SSBP2: variants seen among roughly 807,000 people sequenced by gnomAD.
SSBP2 encodes single-stranded DNA-binding protein 2.
A neutral mutation model predicts 61.8 loss-of-function variants in SSBP2; 17 were observed. That is an observed-to-expected ratio of 0.28 (90% confidence interval 0.19 to 0.41). The LOEUF (loss-of-function observed/expected upper bound fraction) is 0.41. SSBP2 is among the 10% of genes least tolerant of loss of function. SSBP2 has a pLI of 1.00. For missense variants in SSBP2, 310 were observed against 458.7 expected (o/e 0.68, Z 2.96); for synonymous variants, 139 against 141.3 (o/e 0.98, Z 0.12).
At chr5:81,727,503 C>A (rs1182882152) in intron 1 of SSBP2, among the ~76,000 whole-genome samples, 1 of 151,946 alleles carries the variant, frequency 6.6e-6, no homozygotes, top group Admixed American at 6.6e-5. Context: ...GAGCTGAGAT[C>A]GCACCATTGC....
chr5:81,693,993 TA>T (rs561978838), intron 1 of SSBP2, among the ~76,000 whole-genome samples: 1 of 150,426 alleles, frequency 6.6e-6, no homozygotes, highest in Non-Finnish European at 1.5e-5. Flanking sequence ...AAGTAGGCCA[TA>T]AAAAAAAAGA....
chr5:81,540,128 T>C (rs1014642401), intron 4 of SSBP2, among the ~76,000 whole-genome samples: 1 of 152,202 alleles, frequency 6.6e-6, no homozygotes, highest in Non-Finnish European at 1.5e-5. Flanking sequence ...ACATTTTCTT[T>C]ATCCAGTCTA....
chr5:81,501,563 CT>C (rs71603598), intron 5 of SSBP2, among the ~76,000 whole-genome samples: 145 of 117,388 alleles, frequency 1.2e-3, no homozygotes, highest in African/African-American at 2.6e-3. Context: ...TCTTTCTTTT[CT>C]TTTTTTTTTT....
At chr5:81,435,229 G>C (rs1432535554) in intron 15 of SSBP2, among the ~76,000 whole-genome samples, 1 of 152,130 alleles carries the variant, frequency 6.6e-6, no homozygotes, top group African/African-American at 2.4e-5. Flanking sequence ...CAATTCGTTT[G>C]ATCTCCTCGT....
At chr5:81,431,545 G>C (rs1762290218) in intron 15 of SSBP2, among the ~76,000 whole-genome samples, 1 of 151,510 alleles carries the variant, frequency 6.6e-6, no homozygotes, top group Non-Finnish European at 1.5e-5. Flanking sequence ...TAACCCTGTT[G>C]GACTTCCTGG....
intron 1 of SSBP2, among the ~76,000 whole-genome samples, chr5:81,743,140 T>G (rs1019031144): frequency 6.6e-6 from 1 of 152,174 alleles, no homozygotes; most frequent in Non-Finnish European, 1.5e-5. Flanking sequence ...TCCTATTATC[T>G]AGGAAGATCA....
chr5:81,568,776 G>A (rs1172875972), intron 4 of SSBP2, among the ~76,000 whole-genome samples: 1 of 152,156 alleles, frequency 6.6e-6, no homozygotes, highest in Non-Finnish European at 1.5e-5. Context: ...TTCTCTATAA[G>A]TAACAAGCCA....
At position 81,417,606 on chromosome 5, in the gene SSBP2, C is replaced by T. The variant is rs916176184; in HGVS notation, c.*2898G>A. The T allele has an allele frequency of 4.6e-5, 7 of 151,968 alleles. No homozygotes were observed. The highest frequency in any genetic ancestry group is 8.8e-5 in the Non-Finnish European group (6 of 67,976). 9.4% of individuals were successfully genotyped at this position (151,968 alleles called of 1,614,324 possible). A position where few individuals can be genotyped will look rare whatever the true frequency, so the allele number is the denominator to read the frequency against. ...AAAGATGGAAAACACAAGAGAAAAA[C>T]ATTAAATAGTCTTATTACAAGAAAA... On this transcript the variant is annotated 3_prime_UTR_variant, in exon 17 of 17. Transcript: ENST00000320672.
chr5:81,732,610 C>G (rs561106645), intron 1 of SSBP2, among the ~76,000 whole-genome samples: 2 of 152,034 alleles, frequency 1.3e-5, no homozygotes, highest in African/African-American at 4.8e-5. Flanking sequence ...TTCACAGGCA[C>G]AATAAATTAC....
Position 81,446,904 on chromosome 5 carries a change from C to T in SSBP2, c.742G>A (p.Gly248Arg), listed in dbSNP as rs145332608. The T allele has an allele frequency of 1.2e-6, 2 of 1,604,106 alleles. No individual in the cohort carries two copies. Among genetic ancestry groups the T allele is most frequent in the African/African-American group, 2.7e-5 (2 of 74,434 alleles). Reference sequence around the variant, plus strand: ...GGCATGATGGGTGTTCCTGGTGGCCCTCCACCTCCTGGAGGACCCTAAATA... The same window carrying T: ...GGCATGATGGGTGTTCCTGGTGGCCTTCCACCTCCTGGAGGACCCTAAATA... Residue 248 changes from glycine (G) to arginine (R), a missense_variant, in exon 12 of 17, where the codon GGG becomes AGG. Around this residue, in one of 4 missense-constraint regions of SSBP2, gnomAD observed 209 missense variants for 286.4 expected, o/e 0.73. Transcript: ENST00000320672.
chr5:81,692,348 T>C (rs564300227), intron 1 of SSBP2, among the ~76,000 whole-genome samples: 4 of 151,592 alleles, frequency 2.6e-5, no homozygotes, highest in Admixed American at 1.3e-4. Flanking sequence ...ATGAAAGAAA[T>C]TGAAGAGGAC....
rs1040279886 is a variant in SSBP2 at position 81,744,902 on chromosome 5, T to A, written c.62+6079A>T. On this transcript the variant is annotated intron_variant, in intron 1 of 16. Transcript: ENST00000320672. ...TAAAGAAATGACACCAACTGAAGTTTGTCTTTAAAAAAAAGAACAAAAAAA... is the reference window on the plus strand; with the variant it reads ...TAAAGAAATGACACCAACTGAAGTTAGTCTTTAAAAAAAAGAACAAAAAAA... 5.3e-5 allele frequency among the ~76,000 whole-genome samples: 8 copies of A among 152,116 alleles called. 1 individual carries two copies. The highest frequency in any genetic ancestry group is 2.0e-4 in the Admixed American group (3 of 15,280).
At chr5:81,433,033 G>A (rs1439743711) in intron 15 of SSBP2, among the ~76,000 whole-genome samples, 2 of 151,746 alleles carry the variant, frequency 1.3e-5, no homozygotes, top group Admixed American at 6.6e-5. Flanking sequence ...GGAGGTGAGG[G>A]GCGCCTCTGC....
At chr5:81,426,978 T>C (rs1014333015) in intron 16 of SSBP2, among the ~76,000 whole-genome samples, 2 of 152,230 alleles carry the variant, frequency 1.3e-5, no homozygotes, top group African/African-American at 4.8e-5. Flanking sequence ...AACATCTGTT[T>C]TTCCTATTGG....
intron 1 of SSBP2, among the ~76,000 whole-genome samples, chr5:81,658,463 GCA>G (rs1480045294): frequency 6.6e-6 from 1 of 152,068 alleles, no homozygotes; most frequent in Non-Finnish European, 1.5e-5. Context: ...CACATAACCT[GCA>G]CACATTCTTC....
At chr5:81,750,882 C>A in intron 1 of SSBP2, 99 bp downstream of exon 1, 1 of 1,374,086 alleles carries the variant, frequency 7.3e-7, no homozygotes, top group South Asian at 1.3e-5. Context: ...CCCGGCGCTC[C>A]CCGGGCGGAG....
intron 13 of SSBP2, 100 bp from the exon 14 acceptor site, chr5:81,440,736 A>G: frequency 1.2e-6 from 1 of 809,450 alleles, no homozygotes; most frequent in Non-Finnish European, 1.9e-6. Context: ...GCCACAACTT[A>G]TTTTTACTTT....
chr5:81,685,244 A>C (rs1203306750), intron 1 of SSBP2, among the ~76,000 whole-genome samples: 1 of 152,154 alleles, frequency 6.6e-6, no homozygotes, highest in Non-Finnish European at 1.5e-5. Context: ...ACCCAGTCTC[A>C]GGTAGTTCTT....
At chr5:81,690,568 C>A (rs1753128920) in intron 1 of SSBP2, among the ~76,000 whole-genome samples, 1 of 151,962 alleles carries the variant, frequency 6.6e-6, no homozygotes, top group South Asian at 2.1e-4. Flanking sequence ...CACTGCAGCA[C>A]CCAAATATAT....
Sources: gnomAD v4.1 joint callset for allele counts (sites outside exome capture counted in the v4.1 genomes callset) on GRCh38, gnomAD v4.1.1 for gene constraint, gnomAD v4.1.1 regional missense constraint, MANE v1.5 for transcripts, NCBI Gene and HGNC (gene_info 2026-07-23, HGNC 2026-07-21) for gene names.